BRSK1: variants seen among roughly 807,000 people sequenced by gnomAD.
The protein encoded by BRSK1 is BR serine/threonine kinase 1.
A neutral mutation model predicts 86.2 loss-of-function variants in BRSK1; 17 were observed. The observed-to-expected ratio is 0.20, with a 90% CI of 0.14 to 0.30. BRSK1 has a LOEUF of 0.30. BRSK1 is among the 10% of genes least tolerant of loss of function. The probability of loss-of-function intolerance (pLI) is 1.00; values close to 1 mark genes in which losing one functional copy is unlikely to be tolerated. For synonymous variants in BRSK1, 464 were observed against 440.1 expected (o/e 1.05, Z -0.68); for missense variants, 719 against 1,071.9 (o/e 0.67, Z 4.60).
At chr19:55,300,829 G>A (rs980234856) in intron 7 of BRSK1, among the ~76,000 whole-genome samples, 1 of 152,108 alleles carries the variant, frequency 6.6e-6, no homozygotes, top group Non-Finnish European at 1.5e-5. Context: ...CGACAAGAGC[G>A]AAACTCCATC....
chr19:55,285,399 G>A (rs968566127), intron 1 of BRSK1, among the ~76,000 whole-genome samples: 1 of 152,100 alleles, frequency 6.6e-6, no homozygotes, highest in African/African-American at 2.4e-5. Flanking sequence ...GGATGGAGGC[G>A]GCCTGCAGAG....
At position 55,284,492 on chromosome 19, in the gene BRSK1, T is replaced by TGCCCCC; in HGVS notation, c.50_51insGCCCCC (p.Pro18_His19insProPro). On this transcript the variant is annotated inframe_insertion, in exon 1 of 19. Coordinates refer to ENST00000309383, the MANE Select transcript of BRSK1 (RefSeq NM_032430.2). Reference sequence around the variant, plus strand: ...GGTGGGGGCTCTCCCGCCTACCACCTCCCCCACCCCCACCCCCACCCACCC... The same window carrying TGCCCCC: ...GGTGGGGGCTCTCCCGCCTACCACCTGCCCCCCCCCCACCCCCACCCCCACCCACCC... 1 of 776,248 alleles carries TGCCCCC rather than the reference T, an allele frequency of 1.3e-6. No individual in the cohort carries two copies. The highest frequency in any genetic ancestry group is 3.8e-5 in the East Asian group (1 of 26,214). The allele number at this position is 776,248 out of a possible 1,614,324, so 48.1% of individuals were successfully genotyped here.
At chr19:55,301,263 G>A (rs1463386065) in intron 7 of BRSK1, among the ~76,000 whole-genome samples, 1 of 152,184 alleles carries the variant, frequency 6.6e-6, no homozygotes, top group Admixed American at 6.5e-5. Context: ...AAACTGCTGT[G>A]GGGGGAAAGC....
Position 55,303,711 on chromosome 19 carries a change from G to A in BRSK1, c.1171G>A (p.Gly391Arg), listed in dbSNP as rs1461425914. Reference protein sequence around the residue: ...RVDSPMLSRHGKRRPERKSME... With the variant: ...RVDSPMLSRHRKRRPERKSME... ...GGATTCTCCCATGCTGAGCCGTCACGGGAAGCGGCGACCAGAGCGGAAGTC... is the reference window on the plus strand; with the variant it reads ...GGATTCTCCCATGCTGAGCCGTCACAGGAAGCGGCGACCAGAGCGGAAGTC... The change falls in exon 12 of 19, where the codon GGG becomes AGG. Residue 391 changes from glycine (G) to arginine (R), a missense_variant. Gly to Arg is a moderately radical substitution (Grantham distance 125). Around this residue, in one of 6 missense-constraint regions of BRSK1, gnomAD observed 168 missense variants for 246.3 expected, o/e 0.68. Transcript: ENST00000309383. This position sits in a 1 kb window ranked among gnomAD's most constrained non-coding sequence, Gnocchi z 5.1. The A allele has an allele frequency of 1.2e-6, 2 of 1,613,288 alleles. No individual in the cohort carries two copies. The highest frequency in any genetic ancestry group is 2.2e-5 in the East Asian group (1 of 44,890).
chr19:55,308,791 CGTGGGTGGCGGGGGG>C (rs1568990353), intron 18 of BRSK1, 63 bp downstream of exon 18: 1 of 8,134 alleles, frequency 1.2e-4, no homozygotes, highest in Non-Finnish European at 2.7e-4. Context: ...TGGCGGGGGG[CGTGGGTGGCGGGGGG>C]CGTGGGTGGC....
At position 55,284,430 on chromosome 19, in the gene BRSK1, G is replaced by T. The variant is rs748364551; in HGVS notation, c.-13G>T. 1,252 of 1,254,318 alleles carry T rather than the reference G, an allele frequency of 1.0e-3. No individual in the cohort carries two copies. Among genetic ancestry groups the T allele is most frequent in the Non-Finnish European group, 1.3e-3 (1,218 of 972,954 alleles). 77.7% of individuals were successfully genotyped at this position (1,254,318 alleles called of 1,614,324 possible). A position where few individuals can be genotyped will look rare whatever the true frequency, so the allele number is the denominator to read the frequency against. On this transcript the variant is annotated 5_prime_UTR_variant, in exon 1 of 19. Transcript: ENST00000309383. The stretch of plus-strand genomic sequence containing the variant: ...GCGGCCGGGGGACCGGTCGGGCCGG[G>T]ACCAAGGGCACCATGTCGTCCGGGG...
At chr19:55,289,456 C>T (rs761006981) in intron 3 of BRSK1, 24 bp from the exon 4 acceptor site, 34 of 1,604,520 alleles carry the variant, frequency 2.1e-5, no homozygotes, top group Non-Finnish European at 2.9e-5. Flanking sequence ...CCTTCCAGCC[C>T]TCTGCCCCCT....
chr19:55,296,107 G>A (rs1336456448), intron 7 of BRSK1, among the ~76,000 whole-genome samples: 1 of 152,068 alleles, frequency 6.6e-6, no homozygotes, highest in Non-Finnish European at 1.5e-5. Context: ...TCTCTGCTCA[G>A]TTGTCACATT....
chr19:55,287,246 C>T lies in BRSK1; in HGVS notation c.264C>T (p.Ile88=), dbSNP rs372144256. 1.6e-5 allele frequency: 26 copies of T among 1,614,046 alleles called. No individual in the cohort carries two copies. Among genetic ancestry groups the T allele is most frequent in the Admixed American group, 6.7e-5 (4 of 60,012 alleles). Residue 88 remains isoleucine (I), a synonymous_variant, in exon 3 of 19, where the codon ATC becomes ATT. Coordinates refer to ENST00000309383, the MANE Select transcript of BRSK1 (RefSeq NM_032430.2). The surrounding 1 kb of genome is among the most constrained non-coding windows in gnomAD (Gnocchi z 5.3). ...GGGAGATCGCCATCCTGAAGCTCAT[C>T]GAACACCCACATGTCCTCAAGCTCC... is the stretch of plus-strand genomic sequence containing the variant. The part of the protein sequence containing the change: ...VEREIAILKL[I]EHPHVLKLHD...
chr19:55,296,857 GA>G (rs936586443), intron 7 of BRSK1, among the ~76,000 whole-genome samples: 2 of 148,100 alleles, frequency 1.4e-5, no homozygotes, highest in Non-Finnish European at 3.0e-5. Flanking sequence ...CAAAAAAAAT[GA>G]AAAAAAAATT....
chr19:55,296,843 G>A (rs958272258), intron 7 of BRSK1, among the ~76,000 whole-genome samples: 2 of 151,380 alleles, frequency 1.3e-5, no homozygotes, highest in South Asian at 2.1e-4. Flanking sequence ...GCGAGACTCC[G>A]TCTCAAAAAA....
rs1171799249 is a variant in BRSK1 at position 55,305,593 on chromosome 19, G to A, written c.1890+7G>A. 2 of 1,613,884 alleles carry A rather than the reference G, an allele frequency of 1.2e-6. No homozygotes were observed. Among genetic ancestry groups the A allele is most frequent in the East Asian group, 4.5e-5 (2 of 44,886 alleles). On this transcript the variant is annotated splice_region_variant and intron_variant, in intron 16 of 18. Coordinates refer to ENST00000309383, the MANE Select transcript of BRSK1 (RefSeq NM_032430.2). Reference sequence around the variant, plus strand: ...CGTCCATGCCTTTCTGTCGGTGAGGGGCCTGGGTCCCCATCGAGCCTGGCC... The same window carrying A: ...CGTCCATGCCTTTCTGTCGGTGAGGAGCCTGGGTCCCCATCGAGCCTGGCC...
chr19:55,298,105 T>G (rs11084392), intron 7 of BRSK1, among the ~76,000 whole-genome samples: 30,143 of 150,730 alleles, frequency 0.2, 3,272 homozygotes, highest in Middle Eastern at 0.3. Flanking sequence ...GTGAGCCACT[T>G]CCCCCAGCCC....
chr19:55,298,639 G>A (rs2088525350), intron 7 of BRSK1, among the ~76,000 whole-genome samples: 1 of 152,182 alleles, frequency 6.6e-6, no homozygotes, highest in Non-Finnish European at 1.5e-5. Flanking sequence ...CCCACCCAAG[G>A]TGCAGGTTTC....
chr19:55,294,415 C>T lies in BRSK1; in HGVS notation c.678+18C>T. 1 of 1,612,954 alleles carries T rather than the reference C, an allele frequency of 6.2e-7. No individual in the cohort carries two copies. The highest frequency in any genetic ancestry group is 1.3e-5 in the African/African-American group (1 of 75,040). On this transcript the variant is annotated intron_variant, in intron 7 of 18. Transcript: ENST00000309383. The surrounding 1 kb of genome is among the most constrained non-coding windows in gnomAD (Gnocchi z 4.9). ...TGCTCGTGGTAAGGCGCCCTCACCT[C>T]TCCTGTCATTTCTAGATCAATCCCA...
In BRSK1 at chr19:55,311,916, A is replaced by G; in HGVS notation, c.2185A>G (p.Lys729Glu). The change falls in exon 19 of 19, where the codon AAG becomes GAG. Residue 729 changes from lysine (K) to glutamate (E), a missense_variant. This residue lies in a region of BRSK1 where 82 missense variants were observed against 72.6 expected (regional missense o/e 1.13). Transcript: ENST00000309383. ...QPSVQALADE[K>E]NGAQTRPAGA... is the part of the protein sequence containing the mutation. ...AACCTCTTCCTCCCTTGCAGACGAG[A>G]AGAACGGGGCCCAGACCCGGCCTGC... 1 of 1,611,528 alleles carries G rather than the reference A, an allele frequency of 6.2e-7. No individual in the cohort carries two copies. The highest frequency in any genetic ancestry group is 8.5e-7 in the Non-Finnish European group (1 of 1,179,134).
At chr19:55,286,071 AGGGGCTGGGGGCCT>A (rs2088308728) in intron 1 of BRSK1, among the ~76,000 whole-genome samples, 1 of 12,730 alleles carries the variant, frequency 7.9e-5, no homozygotes. Flanking sequence ...CTGAGGGAGG[AGGGGCTGGGGGCCT>A]GGAGTGCTGG....
rs1009361731 is a variant in BRSK1 at position 55,312,205 on chromosome 19, G to A, written c.*137G>A. 31 of 479,350 alleles carry A rather than the reference G, an allele frequency of 6.5e-5. No individual in the cohort carries two copies. The highest frequency in any genetic ancestry group is 3.7e-5 in the Non-Finnish European group (10 of 271,618). 29.7% of individuals were successfully genotyped at this position (479,350 alleles called of 1,614,324 possible). ...AAACCGGCCTTGCCCTGCAGGGATG[G>A]GGCTCCACAGGCCGTGCCCAACTGG... On this transcript the variant is annotated 3_prime_UTR_variant, in exon 19 of 19. Coordinates refer to ENST00000309383, the MANE Select transcript of BRSK1 (RefSeq NM_032430.2).
chr19:55,295,748 C>T (rs1017275267), intron 7 of BRSK1, among the ~76,000 whole-genome samples: 1 of 152,160 alleles, frequency 6.6e-6, no homozygotes, highest in Non-Finnish European at 1.5e-5. Flanking sequence ...GGAGGCAGAT[C>T]ACCTGGGGCC....
Sources: gnomAD v4.1 joint callset for allele counts (sites outside exome capture counted in the v4.1 genomes callset) on GRCh38, gnomAD v4.1.1 for gene constraint, gnomAD v4.1.1 regional missense constraint, Gnocchi (gnomAD v3.1) non-coding constraint, MANE v1.5 for transcripts, NCBI Gene and HGNC (gene_info 2026-07-23, HGNC 2026-07-21) for gene names.